The following DTX1 variants were observed in gnomAD, a reference collection of about 807,000 sequenced individuals.
DTX1 encodes the protein E3 ubiquitin-protein ligase DTX1.
A neutral mutation model predicts 57.8 loss-of-function variants in DTX1; 26 were observed. The ratio of observed to expected loss-of-function variants is 0.45; its 90% confidence interval spans 0.33 to 0.62. The LOEUF (loss-of-function observed/expected upper bound fraction) is 0.62, where lower values mean the gene tolerates loss of function less well. DTX1 is among the 20% of genes least tolerant of loss of function. The probability of loss-of-function intolerance (pLI) is 0.02; values close to 1 mark genes in which losing one functional copy is unlikely to be tolerated. For synonymous variants in DTX1, 398 were observed against 394.1 expected (o/e 1.01, Z -0.12); for missense variants, 704 against 895.3 (o/e 0.79, Z 2.73).
chr12:113,069,105 G>A (rs938259866), intron 2 of DTX1, among the ~76,000 whole-genome samples: 3 of 152,156 alleles, frequency 2.0e-5, no homozygotes, highest in African/African-American at 4.8e-5. Context: ...TTAGAACAGC[G>A]CCTGGCACAT....
intron 6 of DTX1, 118 bp downstream of exon 6, chr12:113,094,217 T>C: frequency 1.2e-6 from 1 of 857,406 alleles, no homozygotes; most frequent in Non-Finnish European, 1.8e-6. Flanking sequence ...CTTTCTTCAC[T>C]TTATGAGGTT....
At position 113,093,436 on chromosome 12, in the gene DTX1, A is replaced by AGGCC; in HGVS notation, c.1004-103_1004-102insGGCC. On this transcript the variant is annotated intron_variant, in intron 4 of 9. Coordinates refer to ENST00000548759, the MANE Select transcript of DTX1 (RefSeq NM_004416.3). This position sits in a 1 kb window ranked among gnomAD's most constrained non-coding sequence, Gnocchi z 4.2. Reference sequence around the variant, plus strand: ...CTGAGTGGGTGGGGCCCAAGAGCGCAACCCTCCCACCCACCCGAGGGCCCC... The same window carrying AGGCC: ...CTGAGTGGGTGGGGCCCAAGAGCGCAGGCCACCCTCCCACCCACCCGAGGGCCCC... 9.1e-6 allele frequency: 8 copies of AGGCC among 876,276 alleles called. No individual in the cohort carries two copies. Among genetic ancestry groups the AGGCC allele is most frequent in the Non-Finnish European group, 1.4e-5 (8 of 586,218 alleles). 54.3% of individuals were successfully genotyped at this position (876,276 alleles called of 1,614,324 possible).
rs903989564 is a variant in DTX1, at chr12:113,093,903, C to T, written c.1166-135C>T. The T allele has an allele frequency of 2.1e-6, 3 of 1,435,248 alleles. No individual in the cohort carries two copies. The highest frequency in any genetic ancestry group is 2.8e-5 in the African/African-American group (2 of 70,672). 88.9% of individuals were successfully genotyped at this position (1,435,248 alleles called of 1,614,324 possible). A position where few individuals can be genotyped will look rare whatever the true frequency, so the allele number is the denominator to read the frequency against. On this transcript the variant is annotated intron_variant, in intron 5 of 9. Coordinates refer to ENST00000548759, the MANE Select transcript of DTX1 (RefSeq NM_004416.3). This position sits in a 1 kb window ranked among gnomAD's most constrained non-coding sequence, Gnocchi z 4.2. Reference sequence around the variant, plus strand: ...GCAACCCCTGACCTCTGACCCTGGCCAACCCTTGCCAGCCTGACCCCGGCC... The same window carrying T: ...GCAACCCCTGACCTCTGACCCTGGCTAACCCTTGCCAGCCTGACCCCGGCC...
intron 2 of DTX1, among the ~76,000 whole-genome samples, chr12:113,061,820 C>T (rs2136422992): frequency 6.6e-6 from 1 of 152,092 alleles, no homozygotes; most frequent in African/African-American, 2.4e-5. Flanking sequence ...CGTGCCTCAA[C>T]CTCCCAAGTA....
chr12:113,079,424 A>G (rs2044799026), intron 3 of DTX1, among the ~76,000 whole-genome samples: 1 of 151,908 alleles, frequency 6.6e-6, no homozygotes, highest in African/African-American at 2.4e-5. Flanking sequence ...GGAAAAGGAA[A>G]GGCCAGGACC....
rs2044783700 is a variant in DTX1 at position 113,077,789 on chromosome 12, A to G, written c.625A>G (p.Asn209Asp). Residue 209 changes from asparagine (N) to aspartate (D), a missense_variant, in exon 3 of 10, where the codon AAC (asparagine) becomes GAC (aspartate). Asn to Asp is a conservative substitution (Grantham distance 23). Coordinates refer to ENST00000548759, the MANE Select transcript of DTX1 (RefSeq NM_004416.3). This position sits in a 1 kb window ranked among gnomAD's most constrained non-coding sequence, Gnocchi z 7.8. ...PCSCQQCLLVNSTRAASNAIL... is the reference protein window; with the variant it reads ...PCSCQQCLLVDSTRAASNAIL... The stretch of plus-strand genomic sequence containing the variant: ...CTCCTGCCAGCAGTGCCTGCTGGTC[A>G]ACAGCACGCGCGCCGCCTCCAACGC... 7.9e-6 allele frequency: 12 copies of G among 1,512,096 alleles called. No homozygotes were observed. The allele number at this position is 1,512,096 out of a possible 1,614,324, so 93.7% of individuals were successfully genotyped here.
At chr12:113,080,603 TGGAATGGAATGGAAC>T (rs1344914844) in intron 3 of DTX1, among the ~76,000 whole-genome samples, 2 of 151,842 alleles carry the variant, frequency 1.3e-5, no homozygotes, top group African/African-American at 4.8e-5. Context: ...TGGAATGGAA[TGGAATGGAATGGAAC>T]GGAATGGAAA....
At position 113,093,111 on chromosome 12, in the gene DTX1, G is replaced by A; in HGVS notation, c.942-51G>A. The A allele has an allele frequency of 6.4e-7, 1 of 1,551,904 alleles. No homozygotes were observed. On this transcript the variant is annotated intron_variant, in intron 3 of 9. Coordinates refer to ENST00000548759, the MANE Select transcript of DTX1 (RefSeq NM_004416.3). The surrounding 1 kb of genome is among the most constrained non-coding windows in gnomAD (Gnocchi z 4.2). ...CAGAAGGCAAGCCAGGTCCCCTGAC[G>A]TCGCTTCGGGGGCTGGAGTCCAGCT...
Position 113,064,259 on chromosome 12 carries a change from G to A in DTX1, c.259+5808G>A, listed in dbSNP as rs574861634. ...AGCGGCCCATCTCTGGTAGCAGCAG[G>A]TCCAGCTAATCCATATGTGGGTGCT... On this transcript the variant is annotated intron_variant, in intron 2 of 9. Transcript: ENST00000548759. 2.6e-5 allele frequency among the ~76,000 whole-genome samples: 4 copies of A among 152,322 alleles called. No individual in the cohort carries two copies. In the South Asian group the frequency reaches 8.3e-4, roughly 32 times the overall value.
chr12:113,096,243 C>T lies in DTX1; in HGVS notation c.1639-472C>T, dbSNP rs569852401. ...GGCAGGCCAAGCGCAGTGGTGCACA[C>T]CTGTAATCCCTGCACTTGGGGAGGC... On this transcript the variant is annotated intron_variant, in intron 9 of 9. Coordinates refer to ENST00000548759, the MANE Select transcript of DTX1 (RefSeq NM_004416.3). Among the ~76,000 whole-genome samples, 134 of 150,020 alleles carry T rather than the reference C, an allele frequency of 8.9e-4. 1 individual carries two copies. The highest frequency in any genetic ancestry group is 3.2e-3 in the African/African-American group (130 of 40,908).
At chr12:113,064,027 C>T (rs1339449882) in intron 2 of DTX1, among the ~76,000 whole-genome samples, 1 of 152,190 alleles carries the variant, frequency 6.6e-6, no homozygotes, top group Non-Finnish European at 1.5e-5. Context: ...AGAACCCCTT[C>T]CCCCTTCCCC....
intron 2 of DTX1, among the ~76,000 whole-genome samples, chr12:113,072,178 A>G (rs1193816631): frequency 1.3e-5 from 2 of 152,162 alleles, no homozygotes; most frequent in Non-Finnish European, 2.9e-5. Context: ...CCAAGTGCCA[A>G]GTAGGTTGCC....
chr12:113,079,980 T>C (rs2136060721), intron 3 of DTX1, among the ~76,000 whole-genome samples: 1 of 152,028 alleles, frequency 6.6e-6, no homozygotes, highest in African/African-American at 2.4e-5. Context: ...GCTGTGTACC[T>C]GAACACAGCA....
At chr12:113,096,576 C>G (rs1033620400) in intron 9 of DTX1, 139 bp from the exon 10 acceptor site, 1 of 672,230 alleles carries the variant, frequency 1.5e-6, no homozygotes, top group African/African-American at 1.8e-5. Flanking sequence ...AATGGCCAAG[C>G]CAGCAGTACG....
chr12:113,085,649 T>A (rs1255570036), intron 3 of DTX1, among the ~76,000 whole-genome samples: 1 of 152,246 alleles, frequency 6.6e-6, no homozygotes, highest in African/African-American at 2.4e-5. Flanking sequence ...TTCTGTAGTT[T>A]GCTGTTTCTT....
Position 113,079,802 on chromosome 12 carries a change from G to A in DTX1, c.941+1697G>A, listed in dbSNP as rs556204060. 9.2e-5 allele frequency among the ~76,000 whole-genome samples: 14 copies of A among 151,480 alleles called. 1 individual carries two copies. In the South Asian group the frequency reaches 2.9e-3, roughly 32 times the overall value. On this transcript the variant is annotated intron_variant, in intron 3 of 9. Transcript: ENST00000548759. Reference sequence around the variant, plus strand: ...TTGAACTCCTGACCTCTTGTGATCTGCCAGCCTTGGCCTCCCAAAGTGCTG... The same window carrying A: ...TTGAACTCCTGACCTCTTGTGATCTACCAGCCTTGGCCTCCCAAAGTGCTG...
chr12:113,078,772 G>C (rs754896614), intron 3 of DTX1, among the ~76,000 whole-genome samples: 2 of 152,024 alleles, frequency 1.3e-5, no homozygotes, highest in Non-Finnish European at 2.9e-5. Flanking sequence ...ATGGTGGCTC[G>C]AGCAAGCATC....
chr12:113,091,457 A>G (rs1273455072), intron 3 of DTX1, among the ~76,000 whole-genome samples: 1 of 151,946 alleles, frequency 6.6e-6, no homozygotes, highest in Non-Finnish European at 1.5e-5. Flanking sequence ...GTGTGCATGT[A>G]TCTGTGATGT....
chr12:113,085,053 C>T (rs1328058490), intron 3 of DTX1, among the ~76,000 whole-genome samples: 1 of 142,764 alleles, frequency 7.0e-6, no homozygotes, highest in Non-Finnish European at 1.5e-5. Flanking sequence ...GGCCCGTACC[C>T]TTTTTTTTTT....
Sources: gnomAD v4.1 joint callset for allele counts (sites outside exome capture counted in the v4.1 genomes callset) on GRCh38, gnomAD v4.1.1 for gene constraint, Gnocchi (gnomAD v3.1) non-coding constraint, MANE v1.5 for transcripts, NCBI Gene and HGNC (gene_info 2026-07-23, HGNC 2026-07-21) for gene names.